Variants in CHD6 observed in about 807,000 individuals in gnomAD.
The protein encoded by CHD6 is chromodomain helicase DNA binding protein 6, also known as ATP-dependent chromatin remodeler CHD6.
In CHD6, 50 loss-of-function variants were observed where a neutral mutation model predicts 276.9. The observed-to-expected ratio is 0.18, with a 90% CI of 0.14 to 0.23. The LOEUF (loss-of-function observed/expected upper bound fraction) is 0.23. CHD6 is among the 10% of genes least tolerant of loss of function. The probability of loss-of-function intolerance (pLI) is 1.00; values close to 1 mark genes in which losing one functional copy is unlikely to be tolerated. For missense variants in CHD6, 2,564 were observed against 3,365.8 expected (o/e 0.76, Z 5.89); for synonymous variants, 1,173 against 1,229.3 (o/e 0.95, Z 0.96).
chr20:41,493,772 A>T, intron 9 of CHD6, 86 bp downstream of exon 9: 1 of 1,556,330 alleles, frequency 6.4e-7, no homozygotes, highest in Non-Finnish European at 8.8e-7. Context: ...ACTAGACAGG[A>T]ATACCACTAA....
At chr20:41,453,539 C>G (rs965384569) in intron 20 of CHD6, among the ~76,000 whole-genome samples, 2 of 152,162 alleles carry the variant, frequency 1.3e-5, no homozygotes, top group African/African-American at 4.8e-5. Flanking sequence ...GCTCCTCACT[C>G]CTTCCCCCAT....
intron 17 of CHD6, among the ~76,000 whole-genome samples, chr20:41,468,061 C>T (rs1452870665): frequency 6.6e-6 from 1 of 150,986 alleles, no homozygotes; most frequent in Non-Finnish European, 1.5e-5. Context: ...TTAAAGAAGT[C>T]TTCCTAGACC....
In CHD6 at chr20:41,417,284, C is replaced by T. The variant is rs1206295408; in HGVS notation, c.6193G>A (p.Gly2065Arg). 10 of 1,614,168 alleles carry T rather than the reference C, an allele frequency of 6.2e-6. No homozygotes were observed. Among genetic ancestry groups the T allele is most frequent in the Admixed American group, 3.3e-5 (2 of 60,022 alleles). ...GCTCGAGCCTCCTGTAGCTCATCCC[C>T]AATGTCTCCTGTGATGCCCGATGTT... is the stretch of plus-strand genomic sequence containing the variant. ...SSTSGITGDI[G>R]DELQEARAPT... The change falls in exon 32 of 37, where the codon GGG (glycine) becomes AGG (arginine). Residue 2065 changes from glycine (G) to arginine (R), a missense_variant. By Grantham distance (125) the Gly-to-Arg change is moderately radical (BLOSUM62 -2). Around this residue, in one of 7 missense-constraint regions of CHD6, gnomAD observed 1,024 missense variants for 1,047.9 expected, o/e 0.98. Coordinates refer to ENST00000373233, the MANE Select transcript of CHD6 (RefSeq NM_032221.5).
chr20:41,508,206 T>A (rs2044024629), intron 5 of CHD6, among the ~76,000 whole-genome samples: 1 of 151,990 alleles, frequency 6.6e-6, no homozygotes, highest in Non-Finnish European at 1.5e-5. Context: ...GAAAGAACAA[T>A]CATATAGGAT....
At chr20:41,437,879 T>C (rs1305583778) in intron 26 of CHD6, among the ~76,000 whole-genome samples, 1 of 151,432 alleles carries the variant, frequency 6.6e-6, no homozygotes, top group Non-Finnish European at 1.5e-5. Context: ...AGAGAAACTA[T>C]CACCAAACAG....
chr20:41,472,089 C>T (rs1161268789), intron 17 of CHD6, among the ~76,000 whole-genome samples: 2 of 151,986 alleles, frequency 1.3e-5, no homozygotes, highest in African/African-American at 4.8e-5. Context: ...CAAAAATTAG[C>T]CAGGCGTGGT....
chr20:41,496,313 T>C (rs1161999648), intron 8 of CHD6, among the ~76,000 whole-genome samples: 3 of 152,214 alleles, frequency 2.0e-5, no homozygotes, highest in African/African-American at 7.2e-5. Context: ...TTCCTACATT[T>C]ATTCATCCTA....
chr20:41,476,872 G>GTGTA lies in CHD6; in HGVS notation c.2469-3359_2469-3356dup, dbSNP rs2043179943. 2.6e-5 allele frequency among the ~76,000 whole-genome samples: 4 copies of GTGTA among 151,924 alleles called. No individual in the cohort carries two copies. The South Asian group carries it at 8.3e-4, about 32-fold the overall frequency. ...TATGTGTATATATAAACATGTAAATGTGTATGTATGTATACATACATCTAT... is the reference window on the plus strand; with the variant it reads ...TATGTGTATATATAAACATGTAAATGTGTATGTATGTATGTATACATACATCTAT... On this transcript the variant is annotated intron_variant, in intron 16 of 36. Coordinates refer to ENST00000373233, the MANE Select transcript of CHD6 (RefSeq NM_032221.5).
At chr20:41,446,268 A>C (rs1049767523) in intron 24 of CHD6, among the ~76,000 whole-genome samples, 12 of 152,194 alleles carry the variant, frequency 7.9e-5, no homozygotes, top group African/African-American at 2.9e-4. Context: ...CACTGGAACA[A>C]GTCGGTATAT....
At chr20:41,480,055 TG>T (rs1318000076) in intron 16 of CHD6, among the ~76,000 whole-genome samples, 2 of 152,182 alleles carry the variant, frequency 1.3e-5, no homozygotes, top group African/African-American at 4.8e-5. Flanking sequence ...TCCTTAAGAA[TG>T]AGAGCAGAGT....
chr20:41,592,326 A>T (rs539842366), intron 1 of CHD6, among the ~76,000 whole-genome samples: 4 of 152,238 alleles, frequency 2.6e-5, no homozygotes, highest in Non-Finnish European at 5.9e-5. Context: ...CTAAGTGTAG[A>T]GTAGAATGAA....
intron 1 of CHD6, among the ~76,000 whole-genome samples, chr20:41,585,541 A>G (rs1322700181): frequency 1.3e-5 from 2 of 151,724 alleles, no homozygotes; most frequent in African/African-American, 4.8e-5. Context: ...AGAAACAGAG[A>G]ATTTGAACAG....
At chr20:41,524,396 C>G (rs1290548420) in intron 3 of CHD6, among the ~76,000 whole-genome samples, 1 of 152,168 alleles carries the variant, frequency 6.6e-6, no homozygotes, top group South Asian at 2.1e-4. Flanking sequence ...GTATCATCAA[C>G]ACCTTCAAAA....
At chr20:41,513,104 C>A in intron 4 of CHD6, 109 bp from the exon 5 acceptor site, 1 of 1,184,266 alleles carries the variant, frequency 8.4e-7, no homozygotes, top group Non-Finnish European at 1.2e-6. Flanking sequence ...GCTTTCTTGC[C>A]TTACAAAAGA....
chr20:41,498,144 A>C, intron 7 of CHD6, 24 bp downstream of exon 7: 1 of 1,549,364 alleles, frequency 6.5e-7, no homozygotes, highest in Non-Finnish European at 8.9e-7. Context: ...ACCCAAATAC[A>C]GAGAATACTT....
intron 10 of CHD6, 63 bp downstream of exon 10, chr20:41,493,475 G>A (rs2043606217): frequency 6.5e-7 from 1 of 1,532,792 alleles, no homozygotes; most frequent in Non-Finnish European, 8.9e-7. Context: ...GGACTTCCAT[G>A]ATTGCAAAGT....
chr20:41,505,054 T>C (rs2043943947), intron 5 of CHD6, among the ~76,000 whole-genome samples: 1 of 152,166 alleles, frequency 6.6e-6, no homozygotes, highest in Non-Finnish European at 1.5e-5. Flanking sequence ...TATTTTACTG[T>C]TTTTGGAACA....
At chr20:41,438,754 G>A (rs1259763824) in intron 26 of CHD6, among the ~76,000 whole-genome samples, 1 of 152,142 alleles carries the variant, frequency 6.6e-6, no homozygotes, top group Admixed American at 6.6e-5. Context: ...CCACATTCAG[G>A]CGCCCATTCA....
intron 5 of CHD6, among the ~76,000 whole-genome samples, chr20:41,504,077 CAAAAAAAAAA>C (rs1189323419): frequency 1.5e-4 from 4 of 27,094 alleles, no homozygotes; most frequent in South Asian, 2.0e-3. Flanking sequence ...GACTCTGTCT[CAAAAAAAAAA>C]AAAAAAAAAA....
Sources: gnomAD v4.1 joint callset for allele counts (sites outside exome capture counted in the v4.1 genomes callset) on GRCh38, gnomAD v4.1.1 for gene constraint, gnomAD v4.1.1 regional missense constraint, MANE v1.5 for transcripts, NCBI Gene and HGNC (gene_info 2026-07-23, HGNC 2026-07-21) for gene names.